Variants in MACF1 observed in about 807,000 individuals in gnomAD.
MACF1 encodes microtubule actin crosslinking factor 1.
In MACF1, 193 loss-of-function variants were observed where a neutral mutation model predicts 854.8. The observed-to-expected ratio is 0.23, with a 90% CI of 0.20 to 0.25. MACF1 has a LOEUF of 0.25. Ranked by LOEUF, MACF1 falls within the 10% of genes least tolerant of loss-of-function variation. The pLI is 1.00. For synonymous variants in MACF1, 3,185 were observed against 3,226.7 expected (o/e 0.99, Z 0.44); for missense variants, 7,722 against 8,929.1 (o/e 0.86, Z 5.45).
At chr1:39,340,758 G>A (rs1395717418) in intron 39 of MACF1, 41 bp downstream of exon 39, 2 of 1,612,276 alleles carry the variant, frequency 1.2e-6, no homozygotes, top group Middle Eastern at 1.7e-4. Flanking sequence ...ACAAAGTCTG[G>A]GTGGCTGGGA....
At chr1:39,438,828 A>T (rs1437630149) in intron 71 of MACF1, among the ~76,000 whole-genome samples, 12 of 151,628 alleles carry the variant, frequency 7.9e-5, no homozygotes, top group Admixed American at 7.9e-4. Flanking sequence ...CATGCTGATA[A>T]TCCAAGCACT....
intron 2 of MACF1, among the ~76,000 whole-genome samples, chr1:39,242,681 G>A (rs1356797898): frequency 2.0e-5 from 3 of 150,748 alleles, no homozygotes; most frequent in Non-Finnish European, 4.4e-5. Context: ...GCTATAGTGA[G>A]CTGTGATCGC....
chr1:39,231,252 C>A lies in MACF1; in HGVS notation c.171+9C>A, dbSNP rs917137901. 1 of 1,613,102 alleles carries A rather than the reference C, an allele frequency of 6.2e-7. No individual in the cohort carries two copies. The highest frequency in any genetic ancestry group is 8.5e-7 in the Non-Finnish European group (1 of 1,179,178). ...ACAAGCACTTAATGAAGGTAGGACC[C>A]TTTCATATATATGCTGCCCCAGCAC... On this transcript the variant is annotated intron_variant, in intron 2 of 100. Transcript: ENST00000564288.
Position 39,291,890 on chromosome 1 carries a change from A to T in MACF1, c.1786-20A>T. The T allele has an allele frequency of 1.2e-6, 2 of 1,608,526 alleles. No individual in the cohort carries two copies. Among genetic ancestry groups the T allele is most frequent in the Non-Finnish European group, 1.7e-6 (2 of 1,178,082 alleles). ...AAGCCAGCAGTAAATTATGTCATAT[A>T]TATATTTTTTCTTTTTCAGATGAAA... On this transcript the variant is annotated intron_variant, in intron 15 of 100. Transcript: ENST00000564288.
chr1:39,324,739 G>A lies in MACF1; in HGVS notation c.4478+5G>A. 6.2e-7 allele frequency: 1 copy of A among 1,605,956 alleles called. No individual in the cohort carries two copies. Among genetic ancestry groups the A allele is most frequent in the Non-Finnish European group, 8.5e-7 (1 of 1,173,130 alleles). ...CTTGGCCAAGCATGGTCATAAGTGA[G>A]TATTAAATGAGAGATTATGGCACAT... On this transcript the variant is annotated splice_donor_5th_base_variant and intron_variant, in intron 35 of 100. Transcript: ENST00000564288.
intron 2 of MACF1, among the ~76,000 whole-genome samples, chr1:39,181,053 G>A (rs538011858): frequency 5.3e-5 from 8 of 152,130 alleles, no homozygotes; most frequent in African/African-American, 1.7e-4. Flanking sequence ...CTACAGGCGC[G>A]TGCTACCATG....
intron 2 of MACF1, among the ~76,000 whole-genome samples, chr1:39,140,434 A>G (rs956394448): frequency 6.6e-6 from 1 of 152,200 alleles, no homozygotes; most frequent in Non-Finnish European, 1.5e-5. Flanking sequence ...CTGACATCCC[A>G]TAGCACAGAG....
At chr1:39,229,716 A>G (rs1329185582) in intron 1 of MACF1, among the ~76,000 whole-genome samples, 3 of 152,136 alleles carry the variant, frequency 2.0e-5, no homozygotes, top group Non-Finnish European at 4.4e-5. Flanking sequence ...GTTGTCTAGC[A>G]TGGACTGGGA....
intron 27 of MACF1, among the ~76,000 whole-genome samples, chr1:39,316,153 A>C (rs533604612): frequency 6.6e-5 from 10 of 152,290 alleles, no homozygotes; most frequent in African/African-American, 2.2e-4. Flanking sequence ...CCTTTCTTCC[A>C]TGAGTCCACC....
intron 69 of MACF1, among the ~76,000 whole-genome samples, 194 bp from the exon 70 acceptor site, chr1:39,435,364 T>A (rs1643951522): frequency 6.6e-6 from 1 of 152,180 alleles, no homozygotes; most frequent in African/African-American, 2.4e-5. Flanking sequence ...CTTTCAAAAA[T>A]TAAATTGGGT....
rs796066827 is a variant in MACF1, at chr1:39,342,124, C to T, written c.10581+1171C>T. ...GTATCCATGTGTTCTTGTTTGGCTT[C>T]CACTTATAAGTGAGAACATGCCATA... On this transcript the variant is annotated intron_variant, in intron 40 of 100. Transcript: ENST00000564288. Among the ~76,000 whole-genome samples, 5 of 148,444 alleles carry T rather than the reference C, an allele frequency of 3.4e-5. 1 individual carries two copies. Among genetic ancestry groups the T allele is most frequent in the African/African-American group, 1.2e-4 (5 of 40,222 alleles).
rs1643371973 is a variant in MACF1, at chr1:39,142,771, C to T, written c.220+58333C>T. Among the ~76,000 whole-genome samples, 2 of 152,222 alleles carry T rather than the reference C, an allele frequency of 1.3e-5. 1 individual carries two copies. Among genetic ancestry groups the T allele is most frequent in the South Asian group, 4.1e-4 (2 of 4,828 alleles). Reference sequence around the variant, plus strand: ...CCCTGCATCCTGCATCTTCTGCTTTCCCAACCTGCTGAGTCACCACCTAGG... The same window carrying T: ...CCCTGCATCCTGCATCTTCTGCTTTTCCAACCTGCTGAGTCACCACCTAGG... On this transcript the variant is annotated intron_variant, in intron 2 of 93. Coordinates refer to the MACF1 transcript ENST00000361689.
At chr1:39,300,095 T>C in intron 21 of MACF1, 115 bp from the exon 22 acceptor site, 1 of 1,059,748 alleles carries the variant, frequency 9.4e-7, no homozygotes, top group Non-Finnish European at 1.4e-6. Context: ...CAACCATCCC[T>C]ACTTAACTGA....
chr1:39,168,893 G>T (rs1483225875), intron 2 of MACF1, among the ~76,000 whole-genome samples: 2 of 152,138 alleles, frequency 1.3e-5, no homozygotes, highest in Admixed American at 1.3e-4. Context: ...CTCCTAAAGT[G>T]CTGGGATTAC....
rs771407743 is a variant in MACF1, at chr1:39,447,861, G to A, written c.19931G>A (p.Gly6644Glu). The A allele has an allele frequency of 1.9e-6, 3 of 1,613,870 alleles. No homozygotes were observed. The highest frequency in any genetic ancestry group is 2.2e-5 in the East Asian group (1 of 44,872). ...EKVVQRSIER[G>E]RSLDDARKRA... ...GTTGTCCAGCGATCTATTGAAAGAG[G>A]GCGATCACTAGATGATGCCAGGAAG... Residue 6644 changes from glycine (G) to glutamate (E), a missense_variant, in exon 82 of 101, where the codon GGG (glycine) becomes GAG (glutamate). By Grantham distance (98) the Gly-to-Glu change is moderately conservative (BLOSUM62 -2). This residue lies in a region of MACF1 where 729 missense variants were observed against 900.5 expected (regional missense o/e 0.81). Transcript: ENST00000564288.
rs142812284 is a variant in MACF1, at chr1:39,332,853, A to C, written c.6265A>C (p.Asn2089His). ...TCTGTTTGTAGAACAAAAAGAGAGA[A>C]ATCCAAACATTGATGCTTTGAAGGT... ...QDLFVEQKER[N>H]PNIDALKVIN... The change falls in exon 37 of 101, where the codon AAT becomes CAT. Residue 2089 changes from asparagine to histidine, a missense_variant. Physicochemically the swap from Asn to His is moderately conservative, Grantham distance 68 (BLOSUM62 1). Transcript: ENST00000564288. 1.2e-3 allele frequency: 1,932 copies of C among 1,614,148 alleles called. 4 individuals are homozygous for C. The highest frequency in any genetic ancestry group is 1.5e-3 in the Non-Finnish European group (1,773 of 1,180,012).
chr1:39,261,117 T>C (rs1645159222), intron 6 of MACF1, among the ~76,000 whole-genome samples: 1 of 152,316 alleles, frequency 6.6e-6, no homozygotes, highest in Admixed American at 6.5e-5. Flanking sequence ...AATTTTACCT[T>C]ACATTATGTA....
chr1:39,197,626 T>TA (rs1302155041), intron 2 of MACF1, among the ~76,000 whole-genome samples: 1 of 152,214 alleles, frequency 6.6e-6, no homozygotes, highest in African/African-American at 2.4e-5. Context: ...CTCATGCCTG[T>TA]AATCCCAGCA....
At chr1:39,318,731 C>G (rs1356225268) in intron 30 of MACF1, 116 bp downstream of exon 30, 2 of 1,170,878 alleles carry the variant, frequency 1.7e-6, no homozygotes, top group African/African-American at 3.1e-5. Context: ...ATCCAAATTC[C>G]CTTTTCTTTG....
Sources: allele counts gnomAD v4.1 joint callset (sites outside exome capture counted in the v4.1 genomes callset), GRCh38; gene constraint gnomAD v4.1.1; regional missense constraint gnomAD v4.1.1; transcripts MANE v1.5; gene names NCBI Gene and HGNC (gene_info 2026-07-23, HGNC 2026-07-21).